RBFOX1: variants seen among roughly 807,000 people sequenced by gnomAD.
The protein encoded by RBFOX1 is RNA binding fox-1 homolog 1.
In RBFOX1, 8 loss-of-function variants were observed where a neutral mutation model predicts 57.7. The ratio of observed to expected loss-of-function variants is 0.14; its 90% CI spans 0.08 to 0.25. The LOEUF (loss-of-function observed/expected upper bound fraction) is 0.25, where lower values mean the gene tolerates loss of function less well. Ranked by LOEUF, RBFOX1 falls within the 10% of genes least tolerant of loss-of-function variation. RBFOX1 has a pLI of 1.00. For missense variants in RBFOX1, 611 were observed against 548.5 expected (o/e 1.11, Z -1.14); for synonymous variants, 326 against 222.4 (o/e 1.47, Z -4.15).
intron 3 of RBFOX1, among the ~76,000 whole-genome samples, chr16:5,783,032 C>T (rs1179609192): frequency 6.6e-6 from 1 of 152,202 alleles, no homozygotes; most frequent in Non-Finnish European, 1.5e-5. Context: ...CAAACACCCT[C>T]ATGGACACAC....
chr16:6,037,128 C>T (rs1471142665), intron 1 of RBFOX1: 2 of 152,158 alleles, frequency 1.3e-5, no homozygotes, highest in Admixed American at 6.5e-5. Flanking sequence ...ATTTGAGTCA[C>T]AATCTCTGTA....
intron 3 of RBFOX1, among the ~76,000 whole-genome samples, chr16:6,777,512 C>G (rs112831473): frequency 2.0e-3 from 306 of 152,248 alleles, no homozygotes; most frequent in Non-Finnish European, 3.4e-3. Flanking sequence ...TTTCTACATT[C>G]TATTTTGTAA....
chr16:7,690,118 G>T (rs1262906286), intron 14 of RBFOX1, among the ~76,000 whole-genome samples: 1 of 152,024 alleles, frequency 6.6e-6, no homozygotes, highest in Non-Finnish European at 1.5e-5. Flanking sequence ...CTGCTTCTCA[G>T]CTGGGCCACA....
chr16:5,262,620 C>T (rs2062762853), intron 1 of RBFOX1, among the ~76,000 whole-genome samples: 2 of 152,168 alleles, frequency 1.3e-5, no homozygotes, highest in Non-Finnish European at 2.9e-5. Context: ...CTGTCTCTCT[C>T]TAGGTGTATA....
chr16:6,899,295 A>G (rs1026567512), intron 3 of RBFOX1, among the ~76,000 whole-genome samples: 1 of 152,086 alleles, frequency 6.6e-6, no homozygotes, highest in African/African-American at 2.4e-5. Flanking sequence ...TATAATACAT[A>G]TGTGTATGCA....
At chr16:7,038,521 C>T (rs557045044) in intron 3 of RBFOX1, among the ~76,000 whole-genome samples, 4 of 152,292 alleles carry the variant, frequency 2.6e-5, no homozygotes, top group South Asian at 4.2e-4. Flanking sequence ...CAATATGTTT[C>T]TTCCACCCTG....
At chr16:6,486,466 G>A (rs1046757592) in intron 2 of RBFOX1, among the ~76,000 whole-genome samples, 5 of 152,122 alleles carry the variant, frequency 3.3e-5, no homozygotes, top group Admixed American at 3.3e-4. Context: ...GTTGTGTTTA[G>A]CTTTTAGCTT....
intron 2 of RBFOX1, among the ~76,000 whole-genome samples, chr16:6,458,271 G>A (rs1597525284): frequency 1.2e-5 from 1 of 82,120 alleles, no homozygotes; most frequent in Admixed American, 1.5e-4. Context: ...GAGGGAGCAT[G>A]CCTGCTGGTT....
intron 11 of RBFOX1, among the ~76,000 whole-genome samples, chr16:7,642,080 A>C (rs1485610139): frequency 1.3e-5 from 2 of 152,102 alleles, no homozygotes; most frequent in Non-Finnish European, 2.9e-5. Context: ...ACGCCACTGC[A>C]CTCTAGCCTG....
At chr16:7,645,755 T>G (rs1003569697) in intron 11 of RBFOX1, among the ~76,000 whole-genome samples, 1 of 152,222 alleles carries the variant, frequency 6.6e-6, no homozygotes. Flanking sequence ...AAATGTAGAT[T>G]TATTCACTTC....
chr16:5,648,743 C>T (rs2049130605), intron 3 of RBFOX1, among the ~76,000 whole-genome samples: 1 of 152,118 alleles, frequency 6.6e-6, no homozygotes, highest in Non-Finnish European at 1.5e-5. Context: ...TTGTGTCTAC[C>T]TCCTCTTTTT....
chr16:7,610,212 C>T (rs752428206), intron 10 of RBFOX1, among the ~76,000 whole-genome samples: 6 of 147,706 alleles, frequency 4.1e-5, no homozygotes, highest in African/African-American at 7.7e-5. Context: ...CTCCGCCTCC[C>T]GGGTTCATGC....
chr16:7,702,682 A>C (rs1353474084), intron 14 of RBFOX1, among the ~76,000 whole-genome samples: 1 of 152,110 alleles, frequency 6.6e-6, no homozygotes, highest in Non-Finnish European at 1.5e-5. Context: ...ACTCCTTTCC[A>C]GCCCCTGAGA....
chr16:6,472,873 C>T (rs944320148), intron 2 of RBFOX1, among the ~76,000 whole-genome samples: 3 of 152,092 alleles, frequency 2.0e-5, no homozygotes, highest in East Asian at 1.9e-4. Flanking sequence ...GATCCACCCA[C>T]CTCGGCCTCC....
intron 4 of RBFOX1, among the ~76,000 whole-genome samples, chr16:7,226,496 T>C (rs890366668): frequency 2.0e-5 from 3 of 152,158 alleles, no homozygotes. Context: ...CTGTGTACAT[T>C]CTGAGGGCAA....
intron 14 of RBFOX1, among the ~76,000 whole-genome samples, chr16:7,708,545 C>G (rs559984650): frequency 1.3e-5 from 2 of 152,282 alleles, no homozygotes; most frequent in East Asian, 3.9e-4. Flanking sequence ...AAGGCTGCTT[C>G]CATTCAAATA....
chr16:5,436,517 T>TA (rs1237741956), intron 1 of RBFOX1, among the ~76,000 whole-genome samples: 1 of 152,220 alleles, frequency 6.6e-6, no homozygotes, highest in Non-Finnish European at 1.5e-5. Flanking sequence ...TTTTTACATC[T>TA]AAAACAGAGT....
At chr16:7,256,704 C>G (rs2094699710) in intron 4 of RBFOX1, among the ~76,000 whole-genome samples, 1 of 152,190 alleles carries the variant, frequency 6.6e-6, no homozygotes. Flanking sequence ...CTCCCTGTCT[C>G]ATTGAGAAGG....
At chr16:7,267,791 G>C (rs1277459956) in intron 4 of RBFOX1, among the ~76,000 whole-genome samples, 2 of 152,114 alleles carry the variant, frequency 1.3e-5, no homozygotes, top group Admixed American at 1.3e-4. Flanking sequence ...GGGAGGCGGA[G>C]GCTGCAGTGA....
Sources: gnomAD v4.1 joint callset for allele counts (sites outside exome capture counted in the v4.1 genomes callset) on GRCh38, gnomAD v4.1.1 for gene constraint, MANE v1.5 for transcripts, NCBI Gene and HGNC (gene_info 2026-07-23, HGNC 2026-07-21) for gene names.